The following SLC36A1 variants were observed in gnomAD, a reference collection of about 807,000 sequenced individuals.
SLC36A1 encodes solute carrier family 36 member 1.
Under a neutral mutation model 47.5 loss-of-function variants are expected in SLC36A1, and 30 were observed. The observed-to-expected ratio is 0.63, with a 90% CI of 0.47 to 0.86. The LOEUF (loss-of-function observed/expected upper bound fraction) is 0.86, where lower values mean the gene tolerates loss of function less well. Among genes scored for constraint, SLC36A1 ranks in the 40% least tolerant of loss-of-function variants. The pLI, the probability that SLC36A1 is intolerant of heterozygous loss-of-function variation, is 0.00. For synonymous variants in SLC36A1, 255 were observed against 249.7 expected (o/e 1.02, Z -0.20); for missense variants, 517 against 606.0 (o/e 0.85, Z 1.54).
chr5:151,444,549 G>T (rs143275134), upstream of SLC36A1, among the ~76,000 whole-genome samples: 3 of 152,050 alleles, frequency 2.0e-5, no homozygotes, highest in South Asian at 6.2e-4. Context: ...GAAGGGGCGC[G>T]ATCTCAGCTC....
rs75598172 is a variant in SLC36A1 at position 151,489,863 on chromosome 5, C to T, written c.*1609C>T. 0.038 allele frequency: 5,789 copies of T among 152,192 alleles called. 350 individuals are homozygous for T. Among genetic ancestry groups the T allele is most frequent in the African/African-American group, 0.13 (5,476 of 41,470 alleles). The allele number at this position is 152,192 out of a possible 1,614,324, so 9.4% of individuals were successfully genotyped here. On this transcript the variant is annotated 3_prime_UTR_variant, in exon 11 of 11. Coordinates refer to ENST00000243389, the MANE Select transcript of SLC36A1 (RefSeq NM_078483.4). The surrounding 1 kb of genome is among the most constrained non-coding windows in gnomAD (Gnocchi z 4.5). ...ACCAGACTCCTTTTCTCTTCTGTCC[C>T]GTCACCAGGCTCTTGCTTCACTGCA... is the stretch of plus-strand genomic sequence containing the variant.
chr5:151,445,948 G>GT (rs1229767282), upstream of SLC36A1, among the ~76,000 whole-genome samples: 470 of 148,510 alleles, frequency 3.2e-3, 6 homozygotes, highest in African/African-American at 9.7e-3. Flanking sequence ...GATTTTGTCT[G>GT]TTTTTTTTTC....
At chr5:151,463,752 A>T (rs926420041) in intron 3 of SLC36A1, 109 bp downstream of exon 3, 87 of 853,296 alleles carry the variant, frequency 1.0e-4, no homozygotes, top group African/African-American at 3.4e-4. Flanking sequence ...GAAGCATTTT[A>T]AAAAAATCAG....
chr5:151,511,851 GAGA>G, the SLC36A1 span: 2 of 310,350 alleles, frequency 6.4e-6, no homozygotes. Flanking sequence ...AAAGGGGAAT[GAGA>G]AGGAGACTGT....
At chr5:151,396,403 C>T in the SLC36A1 span, among the ~76,000 whole-genome samples, 9 of 152,186 alleles carry the variant, frequency 5.9e-5, no homozygotes, top group Admixed American at 2.6e-4. Context: ...GCCCGGCCTT[C>T]TCTTATTATT....
chr5:151,470,584 G>T (rs1159335174), intron 7 of SLC36A1, among the ~76,000 whole-genome samples: 1 of 152,196 alleles, frequency 6.6e-6, no homozygotes, highest in Non-Finnish European at 1.5e-5. Flanking sequence ...GTTTGGCTGT[G>T]TTTTGATGTA....
the SLC36A1 span, among the ~76,000 whole-genome samples, chr5:151,424,977 G>A: frequency 2.0e-5 from 3 of 152,116 alleles, no homozygotes; most frequent in African/African-American, 7.2e-5. Flanking sequence ...AAATTATATG[G>A]TGTATAAAGG....
chr5:151,507,548 C>T, the SLC36A1 span: 2 of 1,614,100 alleles, frequency 1.2e-6, no homozygotes, highest in Admixed American at 1.7e-5. Flanking sequence ...CCCAGTCCCC[C>T]CTTTGGATCT....
the SLC36A1 span, among the ~76,000 whole-genome samples, chr5:151,520,957 G>A: frequency 4.6e-5 from 7 of 152,192 alleles, no homozygotes; most frequent in Admixed American, 6.5e-5. Flanking sequence ...TCCTAAAGTC[G>A]CCTGGTTAGT....
chr5:151,400,192 T>C, the SLC36A1 span, among the ~76,000 whole-genome samples: 2 of 152,306 alleles, frequency 1.3e-5, no homozygotes, highest in East Asian at 3.9e-4. Flanking sequence ...CAGTGTCTAC[T>C]GTTCCCATCT....
At chr5:151,427,922 C>T in the SLC36A1 span, among the ~76,000 whole-genome samples, 4 of 152,134 alleles carry the variant, frequency 2.6e-5, no homozygotes, top group African/African-American at 9.7e-5. Context: ...CTCCTGGAAG[C>T]TACAGTTCTA....
At chr5:151,372,409 T>TA in the SLC36A1 span, among the ~76,000 whole-genome samples, 2 of 151,780 alleles carry the variant, frequency 1.3e-5, no homozygotes, top group Admixed American at 6.6e-5. Context: ...ATGTGAGTAA[T>TA]AAAAAAATAG....
rs1196744323 is a variant in SLC36A1 at position 151,492,239 on chromosome 5, C to G, written c.*3985C>G. On this transcript the variant is annotated 3_prime_UTR_variant, in exon 11 of 11. Coordinates refer to ENST00000243389, the MANE Select transcript of SLC36A1 (RefSeq NM_078483.4). Reference sequence around the variant, plus strand: ...AGACAGTACTGTGTATGTTACGTGCCTGTGTGGATGTGCACTTCCAGCATG... The same window carrying G: ...AGACAGTACTGTGTATGTTACGTGCGTGTGTGGATGTGCACTTCCAGCATG... The G allele has an allele frequency of 6.6e-6, 1 of 152,120 alleles. No homozygotes were observed. The highest frequency in any genetic ancestry group is 1.5e-5 in the Non-Finnish European group (1 of 68,038). The allele number at this position is 152,120 out of a possible 1,614,324, so 9.4% of individuals were successfully genotyped here.
the SLC36A1 span, among the ~76,000 whole-genome samples, chr5:151,371,005 A>G: frequency 6.6e-6 from 1 of 152,146 alleles, no homozygotes; most frequent in Non-Finnish European, 1.5e-5. Flanking sequence ...TAATAATAAT[A>G]AAATAAATTG....
the SLC36A1 span, chr5:151,525,653 A>T: frequency 9.6e-6 from 11 of 1,148,062 alleles, no homozygotes; most frequent in Non-Finnish European, 1.4e-5. Flanking sequence ...CCAGTGCCTG[A>T]TGCATCCTAA....
At chr5:151,421,326 C>A in the SLC36A1 span, among the ~76,000 whole-genome samples, 421 of 151,708 alleles carry the variant, frequency 2.8e-3, 3 homozygotes, top group African/African-American at 9.8e-3. Flanking sequence ...ACTGCAACCT[C>A]CACCTCCTGA....
the SLC36A1 span, chr5:151,554,279 T>C: frequency 1.6e-6 from 2 of 1,290,248 alleles, no homozygotes; most frequent in Non-Finnish European, 2.2e-6. Flanking sequence ...GCTGGTGGGC[T>C]GTCTCCCTCC....
At chr5:151,465,244 A>G (rs2127489059) in intron 5 of SLC36A1, 75 bp downstream of exon 5, 1 of 1,152,092 alleles carries the variant, frequency 8.7e-7, no homozygotes, top group East Asian at 2.3e-5. Flanking sequence ...GCAACGTGGG[A>G]GACAGTGTAA....
intron 1 of SLC36A1, chr5:151,448,016 G>C (rs937286397): frequency 1.3e-5 from 2 of 152,328 alleles, no homozygotes; most frequent in African/African-American, 2.4e-5. Context: ...GGGGTAGATG[G>C]TGAAGATAAC....
Sources: allele counts gnomAD v4.1 joint callset (sites outside exome capture counted in the v4.1 genomes callset), GRCh38; gene constraint gnomAD v4.1.1; non-coding constraint Gnocchi (gnomAD v3.1); transcripts MANE v1.5; gene names NCBI Gene and HGNC (gene_info 2026-07-23, HGNC 2026-07-21).